The following MYO1E variants were observed in gnomAD, a reference collection of about 807,000 sequenced individuals.
MYO1E encodes myosin IE.
MYO1E carries 68 observed loss-of-function variants against 151.1 expected under a neutral mutation model. The ratio of observed to expected loss-of-function variants is 0.45; its 90% CI spans 0.37 to 0.55. MYO1E has a LOEUF of 0.55. Among genes scored for constraint, MYO1E ranks in the 20% least tolerant of loss-of-function variants. The pLI is 0.00. For missense variants in MYO1E, 1,363 were observed against 1,389.3 expected, an observed-to-expected ratio of 0.98 and a Z score of 0.30; for synonymous variants, 601 against 501.7, an observed-to-expected ratio of 1.20 and a Z score of -2.64.
intron 9 of MYO1E, among the ~76,000 whole-genome samples, chr15:59,220,452 A>G (rs1275728773): frequency 2.1e-4 from 32 of 152,264 alleles, no homozygotes; most frequent in Non-Finnish European, 2.9e-5. Context: ...CTGTCTCAAA[A>G]CAAAAACAAA....
intron 1 of MYO1E, among the ~76,000 whole-genome samples, chr15:59,345,331 G>T (rs1434585271): frequency 6.6e-6 from 1 of 152,046 alleles, no homozygotes; most frequent in African/African-American, 2.4e-5. Context: ...TCAGGACTGA[G>T]AGTTTAACTC....
At chr15:59,139,895 T>G (rs914399828) in intron 26 of MYO1E, among the ~76,000 whole-genome samples, 1 of 40 alleles carries the variant, frequency 0.025, no homozygotes, top group South Asian at 0.25. Flanking sequence ...CCCTCTCATT[T>G]TATCAATCAG....
intron 1 of MYO1E, among the ~76,000 whole-genome samples, chr15:59,346,075 C>G (rs546424432): frequency 1.3e-4 from 20 of 152,282 alleles, no homozygotes; most frequent in African/African-American, 4.8e-4. Context: ...CTGGAATCAA[C>G]ATTTTTTCCT....
intron 10 of MYO1E, among the ~76,000 whole-genome samples, chr15:59,216,691 TACACAC>T (rs199582846): frequency 0.039 from 2,184 of 56,424 alleles, 185 homozygotes; most frequent in African/African-American, 0.13. Flanking sequence ...TATATACACA[TACACAC>T]ACACACACAC....
At chr15:59,253,155 AAC>A (rs1353100895) in intron 4 of MYO1E, among the ~76,000 whole-genome samples, 2 of 152,256 alleles carry the variant, frequency 1.3e-5, no homozygotes, top group Non-Finnish European at 2.9e-5. Context: ...CTGAAAATAA[AAC>A]ACATCACCTT....
In MYO1E at chr15:59,357,411, TGAA is replaced by T. The variant is rs540202799; in HGVS notation, c.3+15084_3+15086del. Reference sequence around the variant, plus strand: ...TATAGATAAAGTGCTCATGAGATTTTGAAGAAGGAGATAACTTTTTTTTTTTTT... The same window carrying T: ...TATAGATAAAGTGCTCATGAGATTTTGAAGGAGATAACTTTTTTTTTTTTT... On this transcript the variant is annotated intron_variant, in intron 1 of 27. Coordinates refer to ENST00000288235, the MANE Select transcript of MYO1E (RefSeq NM_004998.4). 1.2e-4 allele frequency among the ~76,000 whole-genome samples: 18 copies of T among 150,840 alleles called. No individual in the cohort carries two copies. In the South Asian group the frequency reaches 3.6e-3, roughly 30 times the overall value.
chr15:59,256,198 G>T, intron 4 of MYO1E, 86 bp downstream of exon 4: 1 of 1,035,062 alleles, frequency 9.7e-7, no homozygotes, highest in Non-Finnish European at 1.5e-6. Context: ...AGTAGCTGTT[G>T]CAAAACCACT....
chr15:59,311,116 C>A (rs540054678), intron 1 of MYO1E, among the ~76,000 whole-genome samples: 1 of 152,156 alleles, frequency 6.6e-6, no homozygotes, highest in South Asian at 2.1e-4. Context: ...GGCAACCATC[C>A]AGGGTGGCCC....
intron 26 of MYO1E, among the ~76,000 whole-genome samples, chr15:59,142,415 G>A (rs549874679): frequency 2.0e-5 from 3 of 152,270 alleles, no homozygotes; most frequent in East Asian, 1.9e-4. Flanking sequence ...AAGACAAGAC[G>A]GATGGCTCCT....
intron 1 of MYO1E, among the ~76,000 whole-genome samples, chr15:59,344,427 C>T (rs1391986009): frequency 6.6e-6 from 1 of 152,062 alleles, no homozygotes; most frequent in African/African-American, 2.4e-5. Flanking sequence ...ACAAAAGCAC[C>T]CCTATGGCCA....
At chr15:59,212,383 CT>C (rs2079884666) in intron 12 of MYO1E, among the ~76,000 whole-genome samples, 1 of 152,040 alleles carries the variant, frequency 6.6e-6, no homozygotes, top group South Asian at 2.1e-4. Context: ...GTGAAACCCC[CT>C]GGTATGGTGT....
At chr15:59,372,215 A>T (rs2140448564) in intron 1 of MYO1E, among the ~76,000 whole-genome samples, 1 of 151,946 alleles carries the variant, frequency 6.6e-6, no homozygotes, top group East Asian at 1.9e-4. Flanking sequence ...CGATGCGCCC[A>T]CACCCTGGCT....
chr15:59,171,887 C>T lies in MYO1E; in HGVS notation c.2480+10G>A, dbSNP rs2079597013. ...AGGGGCAGTCCTGCCTCTGCACCTC[C>T]ACTACTCACCTGAGGGACACAGACA... On this transcript the variant is annotated intron_variant, in intron 22 of 27. Transcript: ENST00000288235. 3 of 1,614,040 alleles carry T rather than the reference C, an allele frequency of 1.9e-6. No homozygotes were observed. Among genetic ancestry groups the T allele is most frequent in the South Asian group, 2.2e-5 (2 of 91,090 alleles).
chr15:59,268,710 T>G (rs2080270702), intron 2 of MYO1E, among the ~76,000 whole-genome samples: 1 of 145,132 alleles, frequency 6.9e-6, no homozygotes, highest in African/African-American at 2.6e-5. Context: ...GGGTTCTGGG[T>G]GACTTTGGTA....
At position 59,286,455 on chromosome 15, in the gene MYO1E, A is replaced by G. The variant is rs548682585; in HGVS notation, c.4-14006T>C. Reference sequence around the variant, plus strand: ...CTCTGTCTTTTAAAAGCCAACGTGGAAACTCCACAAGAGTATAAAGAGTTG... The same window carrying G: ...CTCTGTCTTTTAAAAGCCAACGTGGGAACTCCACAAGAGTATAAAGAGTTG... On this transcript the variant is annotated intron_variant, in intron 1 of 27. Transcript: ENST00000288235. 2.6e-5 allele frequency among the ~76,000 whole-genome samples: 4 copies of G among 152,368 alleles called. No homozygotes were observed. In the East Asian group the frequency reaches 5.8e-4, roughly 22 times the overall value.
chr15:59,305,283 T>C (rs2080508185), intron 1 of MYO1E, among the ~76,000 whole-genome samples: 1 of 152,144 alleles, frequency 6.6e-6, no homozygotes, highest in Non-Finnish European at 1.5e-5. Context: ...AACCTCTGCC[T>C]CCCGGGATCA....
At chr15:59,343,969 C>T (rs1333515560) in intron 1 of MYO1E, among the ~76,000 whole-genome samples, 3 of 152,178 alleles carry the variant, frequency 2.0e-5, no homozygotes, top group Admixed American at 6.5e-5. Context: ...AGCTCTCTTT[C>T]TGAAAGGTCC....
At position 59,137,368 on chromosome 15, in the gene MYO1E, G is replaced by A. The variant is rs2079379547; in HGVS notation, c.*12C>T. ...GAGCTCCTCTGCCCCATGTGTCAGA[G>A]TCACGGGCACCTCAGATCTTGGTCA... On this transcript the variant is annotated 3_prime_UTR_variant, in exon 28 of 28. Transcript: ENST00000288235. The A allele has an allele frequency of 1.2e-6, 2 of 1,613,556 alleles. No homozygotes were observed. The highest frequency in any genetic ancestry group is 2.2e-5 in the East Asian group (1 of 44,888).
At chr15:59,304,034 G>A (rs1421236237) in intron 1 of MYO1E, among the ~76,000 whole-genome samples, 1 of 148,980 alleles carries the variant, frequency 6.7e-6, no homozygotes, top group East Asian at 2.0e-4. Flanking sequence ...CCAGGCTGGA[G>A]TGCAACGGCG....
Sources: gnomAD v4.1 joint callset for allele counts (sites outside exome capture counted in the v4.1 genomes callset) on GRCh38, gnomAD v4.1.1 for gene constraint, MANE v1.5 for transcripts, NCBI Gene and HGNC (gene_info 2026-07-23, HGNC 2026-07-21) for gene names.